The following MED13L variants were observed in gnomAD, a reference collection of about 807,000 sequenced individuals.
MED13L encodes the protein mediator of RNA polymerase II transcription subunit 13-like.
Under a neutral mutation model 220.9 loss-of-function variants are expected in MED13L, and 7 were observed. The ratio of observed to expected loss-of-function variants is 0.03; its 90% confidence interval spans 0.02 to 0.06. MED13L has a LOEUF of 0.06. Among genes scored for constraint, MED13L ranks in the 10% least tolerant of loss-of-function variants. The pLI, the probability that MED13L is intolerant of heterozygous loss-of-function variation, is 1.00. For synonymous variants in MED13L, 1,011 were observed against 1,015.2 expected, an observed-to-expected ratio of 1.00 and a Z score of 0.08; for missense variants, 1,965 against 2,760.5, an observed-to-expected ratio of 0.71 and a Z score of 6.46.
At chr12:116,045,590 G>A (rs183042199) in intron 4 of MED13L, among the ~76,000 whole-genome samples, 42 of 152,218 alleles carry the variant, frequency 2.8e-4, no homozygotes, top group African/African-American at 7.7e-4. Flanking sequence ...GAGTCACAGC[G>A]TATCTGGTAA....
At chr12:115,970,409 C>G (rs1323567807) in intron 27 of MED13L, among the ~76,000 whole-genome samples, 185 bp downstream of exon 27, 2 of 152,194 alleles carry the variant, frequency 1.3e-5, no homozygotes, top group Admixed American at 1.3e-4. Flanking sequence ...TTTATTTGGT[C>G]TTGTTAATTG....
chr12:116,071,122 T>C (rs928346331), intron 4 of MED13L, among the ~76,000 whole-genome samples: 2 of 152,144 alleles, frequency 1.3e-5, no homozygotes, highest in Admixed American at 6.5e-5. Flanking sequence ...AAGACAACAG[T>C]TCATTACTTT....
At chr12:116,162,261 TTA>T (rs1449133974) in intron 2 of MED13L, among the ~76,000 whole-genome samples, 3 of 152,204 alleles carry the variant, frequency 2.0e-5, no homozygotes, top group African/African-American at 7.2e-5. Flanking sequence ...TTCCCCATTG[TTA>T]TGTTTCCTCA....
At chr12:116,229,478 T>C (rs1189840343) in intron 2 of MED13L, among the ~76,000 whole-genome samples, 1 of 152,178 alleles carries the variant, frequency 6.6e-6, no homozygotes, top group Non-Finnish European at 1.5e-5. Flanking sequence ...CATTAGAACA[T>C]AAGCCCTTTA....
intron 2 of MED13L, among the ~76,000 whole-genome samples, chr12:116,169,930 T>C (rs904562999): frequency 7.2e-5 from 11 of 152,194 alleles, no homozygotes; most frequent in Non-Finnish European, 1.6e-4. Context: ...GGTGGAAGGA[T>C]TGCTTGAGCC....
chr12:115,963,941 G>A (rs1165264158), intron 29 of MED13L, among the ~76,000 whole-genome samples: 1 of 151,810 alleles, frequency 6.6e-6, no homozygotes, highest in Non-Finnish European at 1.5e-5. Context: ...AAAAAAAATA[G>A]CTGGGCATGG....
chr12:116,203,861 C>T (rs1029306149), intron 2 of MED13L, among the ~76,000 whole-genome samples: 1 of 151,986 alleles, frequency 6.6e-6, no homozygotes, highest in African/African-American at 2.4e-5. Flanking sequence ...GAAAAGTCAT[C>T]GAGGAATCAC....
chr12:116,039,529 C>A (rs1463132226), intron 4 of MED13L, among the ~76,000 whole-genome samples: 1 of 152,116 alleles, frequency 6.6e-6, no homozygotes, highest in African/African-American at 2.4e-5. Flanking sequence ...GCTCATGATC[C>A]CAACTCCTCT....
intron 2 of MED13L, among the ~76,000 whole-genome samples, chr12:116,234,918 C>T (rs1869928031): frequency 6.6e-6 from 1 of 152,108 alleles, no homozygotes; most frequent in Non-Finnish European, 1.5e-5. Context: ...CCCCCTCAGC[C>T]TCCCAAAGTG....
chr12:116,272,420 A>C (rs1873449303), intron 1 of MED13L, among the ~76,000 whole-genome samples: 1 of 152,064 alleles, frequency 6.6e-6, no homozygotes, highest in East Asian at 1.9e-4. Context: ...TAAATTAGAC[A>C]GGCATGGTGG....
chr12:116,006,767 C>A, intron 11 of MED13L: 1 of 275,278 alleles, frequency 3.6e-6, no homozygotes, highest in South Asian at 4.9e-5. Context: ...CTAGGGAGAT[C>A]TGTATAAAAC....
chr12:116,220,985 C>T (rs1868380875), intron 2 of MED13L, among the ~76,000 whole-genome samples: 1 of 152,120 alleles, frequency 6.6e-6, no homozygotes, highest in African/African-American at 2.4e-5. Flanking sequence ...AGTTAACAAT[C>T]TCGATGCGGT....
rs371359246 is a variant in MED13L at position 116,015,126 on chromosome 12, G to A, written c.1158C>T (p.Leu386=). ...AAACTTACTTGGACTGGGTTCTGTT[G>A]AGGATGCATTCCTTCCAGACTCGAT... The part of the protein sequence containing the change: ...MVHRVWKECI[L]NRTQSKRSQM... The change falls in exon 8 of 31, where the codon CTC becomes CTT. Residue 386 remains leucine, a synonymous_variant. Coordinates refer to ENST00000281928, the MANE Select transcript of MED13L (RefSeq NM_015335.5). The A allele has an allele frequency of 3.1e-6, 5 of 1,613,540 alleles. No individual in the cohort carries two copies. The highest frequency in any genetic ancestry group is 1.7e-5 in the Admixed American group (1 of 59,978).
intron 4 of MED13L, among the ~76,000 whole-genome samples, chr12:116,089,632 A>G (rs1327818311): frequency 1.3e-5 from 2 of 152,204 alleles, no homozygotes; most frequent in African/African-American, 4.8e-5. Context: ...AATTTTCCAA[A>G]TTAAAATTAA....
intron 2 of MED13L, among the ~76,000 whole-genome samples, chr12:116,137,168 T>C (rs1279864746): frequency 6.6e-6 from 1 of 152,132 alleles, no homozygotes; most frequent in Non-Finnish European, 1.5e-5. Flanking sequence ...TTCCTACACC[T>C]GCTGCTTGAC....
At chr12:116,274,393 TA>T (rs978746100) in intron 1 of MED13L, among the ~76,000 whole-genome samples, 7 of 103,046 alleles carry the variant, frequency 6.8e-5, no homozygotes, top group African/African-American at 2.7e-4. Flanking sequence ...AAATTCTTTA[TA>T]AATACTTTTC....
At chr12:116,137,438 A>G (rs144593273) in intron 2 of MED13L, among the ~76,000 whole-genome samples, 8 of 152,302 alleles carry the variant, frequency 5.3e-5, no homozygotes, top group Non-Finnish European at 1.2e-4. Context: ...AAAGATAACA[A>G]ATGAATGAGC....
chr12:116,033,217 A>G (rs1248217028), intron 4 of MED13L, among the ~76,000 whole-genome samples: 1 of 152,148 alleles, frequency 6.6e-6, no homozygotes, highest in Non-Finnish European at 1.5e-5. Flanking sequence ...CAATGTGTAA[A>G]TTTTGAGGAA....
intron 1 of MED13L, chr12:116,276,468 G>A (rs1193147359): frequency 7.8e-6 from 10 of 1,288,906 alleles, no homozygotes; most frequent in African/African-American, 3.0e-5. Flanking sequence ...CGGCTCTCCA[G>A]CATAGTAAGC....
Sources: gnomAD v4.1 joint callset for allele counts (sites outside exome capture counted in the v4.1 genomes callset) on GRCh38, gnomAD v4.1.1 for gene constraint, MANE v1.5 for transcripts, NCBI Gene and HGNC (gene_info 2026-07-23, HGNC 2026-07-21) for gene names.